KCND3: variants seen among roughly 807,000 people sequenced by gnomAD.
KCND3 encodes A-type voltage-gated potassium channel KCND3.
Under a neutral mutation model 51.1 loss-of-function variants are expected in KCND3, and 9 were observed. That is an observed-to-expected ratio of 0.18 (90% CI 0.11 to 0.31). The LOEUF (loss-of-function observed/expected upper bound fraction) is 0.31, where lower values mean the gene tolerates loss of function less well. KCND3 is among the 10% of genes least tolerant of loss of function. The probability of loss-of-function intolerance (pLI) is 1.00; values close to 1 mark genes in which losing one functional copy is unlikely to be tolerated. For missense variants in KCND3, 526 were observed against 903.8 expected, an observed-to-expected ratio of 0.58 and a Z score of 5.36; for synonymous variants, 349 against 368.0, an observed-to-expected ratio of 0.95 and a Z score of 0.59.
Position 111,852,872 on chromosome 1 carries a change from GTGCTTCCTCCACTTCCCCGACCCC to G in KCND3, c.1107-65790_1107-65767del, listed in dbSNP as rs1236966641. 3.3e-5 allele frequency among the ~76,000 whole-genome samples: 5 copies of G among 152,236 alleles called. No homozygotes were observed. In the East Asian group the frequency reaches 9.7e-4, roughly 29 times the overall value. On this transcript the variant is annotated intron_variant, in intron 2 of 7. Transcript: ENST00000302127. ...GGTTTTCTTCAGCTCCGCTCTGCCC[GTGCTTCCTCCACTTCCCCGACCCC>G]TGCTCTCCCACAGCACCCTTTCCCT...
intron 2 of KCND3, among the ~76,000 whole-genome samples, chr1:111,899,005 A>G (rs555598060): frequency 3.0e-4 from 45 of 152,304 alleles, no homozygotes; most frequent in African/African-American, 1.0e-3. Flanking sequence ...ACAGGGTGGC[A>G]TAATCCTATC....
intron 2 of KCND3, among the ~76,000 whole-genome samples, chr1:111,902,682 G>T (rs939770372): frequency 1.3e-5 from 2 of 152,204 alleles, no homozygotes; most frequent in South Asian, 4.1e-4. Flanking sequence ...CCAGTGTTGT[G>T]CCCCTGGGCA....
intron 2 of KCND3, among the ~76,000 whole-genome samples, chr1:111,928,811 T>C (rs1341731244): frequency 1.3e-5 from 2 of 152,162 alleles, no homozygotes; most frequent in Non-Finnish European, 2.9e-5. Flanking sequence ...GCAGTGTCAC[T>C]GTGGGATGTG....
intron 2 of KCND3, among the ~76,000 whole-genome samples, chr1:111,907,281 AG>A (rs1424167623): frequency 7.2e-5 from 11 of 152,240 alleles, no homozygotes; most frequent in African/African-American, 2.4e-4. Flanking sequence ...AAAATAACAA[AG>A]GGGAAGACTC....
intron 2 of KCND3, among the ~76,000 whole-genome samples, chr1:111,873,580 G>A (rs1668920581): frequency 6.6e-6 from 1 of 152,098 alleles, no homozygotes; most frequent in African/African-American, 2.4e-5. Context: ...CTCCACCTGG[G>A]AAGACAGGCT....
chr1:111,885,704 C>T (rs1184243170), intron 2 of KCND3, among the ~76,000 whole-genome samples: 1 of 151,848 alleles, frequency 6.6e-6, no homozygotes, highest in Non-Finnish European at 1.5e-5. Flanking sequence ...CAGAGTTTCA[C>T]TCTTGTCACC....
At chr1:111,962,873 T>A (rs1450472965) in intron 2 of KCND3, among the ~76,000 whole-genome samples, 2 of 152,226 alleles carry the variant, frequency 1.3e-5, no homozygotes, top group African/African-American at 4.8e-5. Context: ...CATTGGGACA[T>A]TAACAACTGT....
intron 2 of KCND3, among the ~76,000 whole-genome samples, chr1:111,947,950 G>T (rs1185276422): frequency 6.6e-6 from 1 of 152,228 alleles, no homozygotes; most frequent in African/African-American, 2.4e-5. Flanking sequence ...GTATATATGT[G>T]AGGAGGGTCA....
At chr1:111,944,861 G>A (rs907121688) in intron 2 of KCND3, among the ~76,000 whole-genome samples, 7 of 152,234 alleles carry the variant, frequency 4.6e-5, no homozygotes, top group African/African-American at 1.7e-4. Flanking sequence ...GTTGAACCAG[G>A]CGATGCAGTG....
At position 111,772,365 on chromosome 1, in the gene KCND3, C is replaced by A. The variant is rs950292422; in HGVS notation, c.*3712G>T. ...GTTTCTACCCAGAGAATGGTGGTTT[C>A]CAAAGTATGGTTTGTATTGGTACAG... On this transcript the variant is annotated 3_prime_UTR_variant, in exon 8 of 8. Coordinates refer to ENST00000302127, the MANE Select transcript of KCND3 (RefSeq NM_001378969.1). 9 of 152,162 alleles carry A rather than the reference C, an allele frequency of 5.9e-5. No homozygotes were observed. Among genetic ancestry groups the A allele is most frequent in the African/African-American group, 1.9e-4 (8 of 41,422 alleles). The allele number at this position is 152,162 out of a possible 1,614,324, so 9.4% of individuals were successfully genotyped here.
intron 2 of KCND3, among the ~76,000 whole-genome samples, chr1:111,864,383 G>T (rs1668463709): frequency 1.3e-5 from 2 of 152,156 alleles, no homozygotes; most frequent in African/African-American, 4.8e-5. Flanking sequence ...TTTCCCTTCA[G>T]TAAGAACTTA....
chr1:111,870,709 C>A (rs1668792524), intron 2 of KCND3, among the ~76,000 whole-genome samples: 1 of 112,462 alleles, frequency 8.9e-6, no homozygotes, highest in Admixed American at 9.7e-5. Flanking sequence ...CATGGGATTG[C>A]ACTCAGTGAA....
intron 2 of KCND3, among the ~76,000 whole-genome samples, chr1:111,801,562 C>T (rs377224771): frequency 1.3e-3 from 191 of 152,254 alleles, no homozygotes; most frequent in Middle Eastern, 6.8e-3. Flanking sequence ...AAAACGGTAG[C>T]GGTAGTGACC....
chr1:111,856,618 C>T (rs1300014997), intron 2 of KCND3, among the ~76,000 whole-genome samples: 1 of 152,204 alleles, frequency 6.6e-6, no homozygotes, highest in Non-Finnish European at 1.5e-5. Flanking sequence ...TTGGGGTCAG[C>T]GCCAGGAAGC....
intron 2 of KCND3, among the ~76,000 whole-genome samples, chr1:111,901,715 T>C (rs1670392446): frequency 6.6e-6 from 1 of 152,168 alleles, no homozygotes; most frequent in Non-Finnish European, 1.5e-5. Context: ...CTTTCTTTTT[T>C]TCTGAGAGAT....
chr1:111,839,062 A>C (rs1231327820), intron 2 of KCND3, among the ~76,000 whole-genome samples: 1 of 152,170 alleles, frequency 6.6e-6, no homozygotes, highest in Non-Finnish European at 1.5e-5. Flanking sequence ...GCACACAAAC[A>C]ATCTATTTAC....
chr1:111,817,581 A>G (rs1666157512), intron 2 of KCND3, among the ~76,000 whole-genome samples: 1 of 152,266 alleles, frequency 6.6e-6, no homozygotes, highest in Non-Finnish European at 1.5e-5. Context: ...CAATGTTAAC[A>G]GTGGTTGGGT....
chr1:111,868,174 T>C (rs1668662020), intron 2 of KCND3, among the ~76,000 whole-genome samples: 1 of 152,200 alleles, frequency 6.6e-6, no homozygotes, highest in Non-Finnish European at 1.5e-5. Context: ...AGACAATTCA[T>C]AAGTTTTAAG....
At chr1:111,879,888 T>C (rs1669225583) in intron 2 of KCND3, among the ~76,000 whole-genome samples, 1 of 152,088 alleles carries the variant, frequency 6.6e-6, no homozygotes. Flanking sequence ...AGTGATGGTG[T>C]CTGGGTTCAA....
Sources: allele counts gnomAD v4.1 joint callset (sites outside exome capture counted in the v4.1 genomes callset), GRCh38; gene constraint gnomAD v4.1.1; transcripts MANE v1.5; gene names NCBI Gene and HGNC (gene_info 2026-07-23, HGNC 2026-07-21).